LPP: variants seen among roughly 807,000 people sequenced by gnomAD.
LPP encodes lipoma-preferred partner.
In LPP, 38 loss-of-function variants were observed where a neutral mutation model predicts 60.4. The ratio of observed to expected loss-of-function variants is 0.63; its 90% CI spans 0.49 to 0.83. LPP has a LOEUF of 0.83. LPP is among the 40% of genes least tolerant of loss of function. The pLI is 0.00. For missense variants in LPP, 902 were observed against 783.6 expected, an observed-to-expected ratio of 1.15 and a Z score of -1.80; for synonymous variants, 328 against 290.8, an observed-to-expected ratio of 1.13 and a Z score of -1.30.
At chr3:188,730,464 A>G (rs906954913) in intron 8 of LPP, among the ~76,000 whole-genome samples, 2 of 152,154 alleles carry the variant, frequency 1.3e-5, no homozygotes, top group African/African-American at 4.8e-5. Context: ...AAGGTTGGAG[A>G]TATCTTGGTA....
At chr3:188,734,910 G>A (rs369388136) in intron 8 of LPP, among the ~76,000 whole-genome samples, 12 of 152,316 alleles carry the variant, frequency 7.9e-5, no homozygotes, top group East Asian at 5.8e-4. Flanking sequence ...GAGACACTCG[G>A]TGTCACCCCA....
At chr3:188,275,983 T>C (rs1275143768) in intron 2 of LPP, among the ~76,000 whole-genome samples, 1 of 152,214 alleles carries the variant, frequency 6.6e-6, no homozygotes, top group Non-Finnish European at 1.5e-5. Flanking sequence ...CTCCAGGAAC[T>C]TTTCTAGGTG....
chr3:188,406,145 C>A lies in LPP; in HGVS notation c.25C>A (p.Pro9Thr). The change falls in exon 4 of 12, where the codon CCC becomes ACC. Residue 9 changes from proline (P) to threonine (T), a missense_variant. Pro to Thr is a conservative substitution (Grantham distance 38). Coordinates refer to ENST00000617246, the MANE Select transcript of LPP (RefSeq NM_001375462.1). MSHPSWLP[P>T]KSTGEPLGHV... ...AATGTCTCACCCATCTTGGCTGCCA[C>A]CCAAAAGCACTGGTGAGCCCCTCGG... 1 of 1,613,232 alleles carries A rather than the reference C, an allele frequency of 6.2e-7. No individual in the cohort carries two copies. Among genetic ancestry groups the A allele is most frequent in the South Asian group, 1.1e-5 (1 of 90,868 alleles).
Position 188,258,694 on chromosome 3 carries a change from A to C in LPP, c.-67+33167A>C, listed in dbSNP as rs992901793. Among the ~76,000 whole-genome samples, 82 of 152,304 alleles carry C rather than the reference A, an allele frequency of 5.4e-4. 1 individual carries two copies. Among genetic ancestry groups the C allele is most frequent in the African/African-American group, 1.9e-3 (78 of 41,558 alleles). On this transcript the variant is annotated intron_variant, in intron 2 of 11. Transcript: ENST00000617246. ...TCTCGCTATTAGCGCAAAAAAAAGTAAGTACTGAAGGGATTCTAAGATTCG... is the reference window on the plus strand; with the variant it reads ...TCTCGCTATTAGCGCAAAAAAAAGTCAGTACTGAAGGGATTCTAAGATTCG...
chr3:188,279,246 C>A (rs1406371693), intron 2 of LPP, among the ~76,000 whole-genome samples: 1 of 152,202 alleles, frequency 6.6e-6, no homozygotes, highest in Non-Finnish European at 1.5e-5. Context: ...GGATTCCAGT[C>A]CTGACTCTGC....
chr3:188,269,645 A>ATGTGTGTGTG (rs368115626), intron 2 of LPP, among the ~76,000 whole-genome samples: 5,149 of 136,446 alleles, frequency 0.038, 338 homozygotes, highest in African/African-American at 0.13. Context: ...CTTTTTTTTT[A>ATGTGTGTGTG]TGTGTGTGTG....
chr3:188,641,199 G>T (rs1465791540), intron 7 of LPP, among the ~76,000 whole-genome samples: 1 of 152,238 alleles, frequency 6.6e-6, no homozygotes, highest in Non-Finnish European at 1.5e-5. Context: ...TCAAATTGCA[G>T]TCTGTGTGAC....
chr3:188,782,537 T>C (rs972406992), intron 9 of LPP, among the ~76,000 whole-genome samples: 4 of 152,158 alleles, frequency 2.6e-5, no homozygotes, highest in Admixed American at 2.6e-4. Context: ...AGTATCTGCC[T>C]CCTAAGATAT....
chr3:188,396,907 A>G (rs1460421407), intron 3 of LPP, among the ~76,000 whole-genome samples: 1 of 152,214 alleles, frequency 6.6e-6, no homozygotes, highest in South Asian at 2.1e-4. Context: ...TTTGAAGGTC[A>G]TCATTAGTTG....
chr3:188,774,869 T>C (rs1737221292), intron 9 of LPP, among the ~76,000 whole-genome samples: 1 of 152,136 alleles, frequency 6.6e-6, no homozygotes, highest in Non-Finnish European at 1.5e-5. Context: ...AAAGGCCCCA[T>C]ATACACATAC....
chr3:188,288,582 A>G (rs901526815), intron 2 of LPP, among the ~76,000 whole-genome samples: 1 of 151,532 alleles, frequency 6.6e-6, no homozygotes, highest in African/African-American at 2.4e-5. Context: ...GTACACGTGC[A>G]CACACACACA....
At chr3:188,552,058 C>A (rs1303602866) in intron 6 of LPP, among the ~76,000 whole-genome samples, 1 of 152,114 alleles carries the variant, frequency 6.6e-6, no homozygotes, top group Non-Finnish European at 1.5e-5. Context: ...TCTGTGGGAC[C>A]TTCCCATCCT....
intron 1 of LPP, among the ~76,000 whole-genome samples, chr3:188,174,470 G>GGGT (rs1722506718): frequency 6.6e-6 from 1 of 152,250 alleles, no homozygotes; most frequent in Non-Finnish European, 1.5e-5. Context: ...GCACGCATGA[G>GGGT]GCAGCAGGGA....
chr3:188,243,117 C>A (rs1290614457), intron 2 of LPP, among the ~76,000 whole-genome samples: 5 of 151,626 alleles, frequency 3.3e-5, no homozygotes, highest in African/African-American at 1.2e-4. Context: ...ATTAATATAA[C>A]AAAAAAAAGA....
At chr3:188,644,111 G>A (rs1044982042) in intron 7 of LPP, among the ~76,000 whole-genome samples, 8 of 152,126 alleles carry the variant, frequency 5.3e-5, no homozygotes, top group African/African-American at 1.9e-4. Flanking sequence ...AGGTAAGATC[G>A]CTTATTCTGT....
intron 3 of LPP, among the ~76,000 whole-genome samples, chr3:188,386,569 G>A (rs1778367493): frequency 6.6e-6 from 1 of 152,112 alleles, no homozygotes; most frequent in South Asian, 2.1e-4. Context: ...AGTGAGAAAA[G>A]TCAAGGAAAT....
At chr3:188,469,060 C>T (rs897280858) in intron 4 of LPP, among the ~76,000 whole-genome samples, 2 of 152,090 alleles carry the variant, frequency 1.3e-5, no homozygotes, top group African/African-American at 4.8e-5. Flanking sequence ...GAATGAAACC[C>T]AAGGATTGAC....
intron 1 of LPP, among the ~76,000 whole-genome samples, chr3:188,219,721 C>T (rs1215318088): frequency 2.0e-5 from 3 of 152,204 alleles, no homozygotes; most frequent in Non-Finnish European, 4.4e-5. Flanking sequence ...ACTGTGGGTC[C>T]ATGTGGGTCC....
intron 9 of LPP, among the ~76,000 whole-genome samples, chr3:188,814,820 C>T (rs1416760261): frequency 6.6e-6 from 1 of 152,202 alleles, no homozygotes; most frequent in African/African-American, 2.4e-5. Context: ...TTGCATTTGT[C>T]TCTCAGTCTT....
Sources: gnomAD v4.1 joint callset for allele counts (sites outside exome capture counted in the v4.1 genomes callset) on GRCh38, gnomAD v4.1.1 for gene constraint, MANE v1.5 for transcripts, NCBI Gene and HGNC (gene_info 2026-07-23, HGNC 2026-07-21) for gene names.